Variants in REEP1 observed in about 807,000 individuals in gnomAD.
The protein encoded by REEP1 is receptor accessory protein 1.
Under a neutral mutation model 40.3 loss-of-function variants are expected in REEP1, and 22 were observed. The ratio of observed to expected loss-of-function variants is 0.55; its 90% CI spans 0.39 to 0.78. REEP1 has a LOEUF of 0.78. Among genes scored for constraint, REEP1 ranks in the 30% least tolerant of loss-of-function variants. The probability of loss-of-function intolerance (pLI) is 0.00; values close to 1 mark genes in which losing one functional copy is unlikely to be tolerated. For missense variants in REEP1, 280 were observed against 361.1 expected, an observed-to-expected ratio of 0.78 and a Z score of 1.82; for synonymous variants, 116 against 139.2, an observed-to-expected ratio of 0.83 and a Z score of 1.17.
intron 6 of REEP1, among the ~76,000 whole-genome samples, chr2:86,231,530 C>T (rs930637920): frequency 4.6e-5 from 7 of 152,224 alleles, no homozygotes; most frequent in African/African-American, 1.7e-4. Flanking sequence ...TGGGGTCTGT[C>T]AGGACATGGG....
intron 7 of REEP1, 144 bp downstream of exon 7, chr2:86,227,219 G>T: frequency 1.9e-6 from 1 of 539,864 alleles, no homozygotes; most frequent in Non-Finnish European, 2.8e-6. Context: ...TACTGTGTTT[G>T]CTGTTATAAA....
At chr2:86,261,722 G>T (rs1485694520) in intron 3 of REEP1, among the ~76,000 whole-genome samples, 1 of 152,204 alleles carries the variant, frequency 6.6e-6, no homozygotes, top group African/African-American at 2.4e-5. Context: ...CACCTGTAAA[G>T]GGTCTGTGCT....
chr2:86,293,991 A>C (rs1678854558), intron 1 of REEP1, among the ~76,000 whole-genome samples: 2 of 152,228 alleles, frequency 1.3e-5, no homozygotes, highest in Non-Finnish European at 2.9e-5. Context: ...ATGAACTATG[A>C]GTATATTATG....
At chr2:86,334,398 C>T (rs149898036) in intron 1 of REEP1, among the ~76,000 whole-genome samples, 110 of 152,160 alleles carry the variant, frequency 7.2e-4, no homozygotes, top group Non-Finnish European at 1.2e-3. Flanking sequence ...AAACGTGACT[C>T]GCGGATAAAA....
At chr2:86,222,349 A>G (rs1319631216) in intron 7 of REEP1, among the ~76,000 whole-genome samples, 4 of 152,228 alleles carry the variant, frequency 2.6e-5, no homozygotes, top group Non-Finnish European at 5.9e-5. Flanking sequence ...GGCTGGGAGC[A>G]AAAGAGGCCA....
chr2:86,266,667 AT>A lies in REEP1; in HGVS notation c.106-2627del, dbSNP rs1481489903. Among the ~76,000 whole-genome samples, 1,493 of 150,842 alleles carry A rather than the reference AT, an allele frequency of 9.9e-3. 16 individuals carry two copies. The highest frequency in any genetic ancestry group is 0.033 in the African/African-American group (1,350 of 41,420). ...AATAAAAATAAAAAAAATAAAATAA[AT>A]AAATAAATAAATAAAGATATACTAC... On this transcript the variant is annotated intron_variant, in intron 2 of 8. Transcript: ENST00000538924.
rs1280696372 is a variant in REEP1 at position 86,337,589 on chromosome 2, C to T, written c.-79G>A. On this transcript the variant is annotated 5_prime_UTR_variant, in exon 1 of 9. Transcript: ENST00000538924. This position sits in a 1 kb window ranked among gnomAD's most constrained non-coding sequence, Gnocchi z 5.8. ...GCGGCGCGGGCTGCTGCGGCGTTCC[C>T]GGAACGTCAGTCAGCTCACGGCAGC... 6.8e-6 allele frequency: 8 copies of T among 1,170,636 alleles called. No homozygotes were observed. Among genetic ancestry groups the T allele is most frequent in the African/African-American group, 1.6e-5 (1 of 61,416 alleles). The allele number at this position is 1,170,636 out of a possible 1,614,324, so 72.5% of individuals were successfully genotyped here. A position where few individuals can be genotyped will look rare whatever the true frequency, so the allele number is the denominator to read the frequency against.
At chr2:86,316,163 T>A (rs1016242530) in intron 1 of REEP1, among the ~76,000 whole-genome samples, 1 of 152,154 alleles carries the variant, frequency 6.6e-6, no homozygotes, top group African/African-American at 2.4e-5. Context: ...TCTAGACTTT[T>A]AAGATGTGTG....
intron 2 of REEP1, among the ~76,000 whole-genome samples, chr2:86,278,183 A>T (rs2104378945): frequency 6.6e-6 from 1 of 152,358 alleles, no homozygotes; most frequent in East Asian, 1.9e-4. Context: ...AAATACAGCT[A>T]TGAACTCATG....
intron 2 of REEP1, 148 bp downstream of exon 2, chr2:86,282,022 C>T (rs952002172): frequency 2.0e-5 from 14 of 712,638 alleles, no homozygotes; most frequent in South Asian, 1.9e-4. Flanking sequence ...GAAAAGAGGA[C>T]TCCTGAGATG....
At chr2:86,256,610 A>G (rs1676576385) in intron 3 of REEP1, among the ~76,000 whole-genome samples, 1 of 152,088 alleles carries the variant, frequency 6.6e-6, no homozygotes, top group African/African-American at 2.4e-5. Context: ...AATGTGGAAC[A>G]TGTTAAAGGC....
rs1673980520 is a variant in REEP1 at position 86,214,113 on chromosome 2, A to G, written c.*2926T>C. The G allele has an allele frequency of 6.0e-6, 1 of 166,800 alleles. No individual in the cohort carries two copies. The highest frequency in any genetic ancestry group is 6.1e-5 in the Admixed American group (1 of 16,338). 10.3% of individuals were successfully genotyped at this position (166,800 alleles called of 1,614,324 possible). On this transcript the variant is annotated 3_prime_UTR_variant, in exon 9 of 9. Coordinates refer to ENST00000538924, the MANE Select transcript of REEP1 (RefSeq NM_001371279.1). ...ACATCCCTTTGATGCACAGTCCAGT[A>G]TACTATTTTATTACAGATCATTCTA... is the stretch of plus-strand genomic sequence containing the variant.
At chr2:86,227,895 T>C (rs1021751488) in intron 6 of REEP1, among the ~76,000 whole-genome samples, 6 of 152,214 alleles carry the variant, frequency 3.9e-5, no homozygotes, top group Non-Finnish European at 7.3e-5. Context: ...ACTAAATACA[T>C]GCTCACTGAG....
At chr2:86,330,438 T>TGC (rs1553471174) in intron 1 of REEP1, among the ~76,000 whole-genome samples, 3 of 150,698 alleles carry the variant, frequency 2.0e-5, no homozygotes, top group Non-Finnish European at 4.4e-5. Flanking sequence ...TGTGTGTGTG[T>TGC]GTGTGTGTGT....
chr2:86,244,381 ATTT>A (rs1214176972), intron 5 of REEP1, among the ~76,000 whole-genome samples: 1 of 151,512 alleles, frequency 6.6e-6, no homozygotes, highest in Non-Finnish European at 1.5e-5. Flanking sequence ...GAGTGGGAAA[ATTT>A]TTTTTAAGTA....
chr2:86,331,158 G>A lies in REEP1; in HGVS notation c.32+6321C>T, dbSNP rs565421447. Among the ~76,000 whole-genome samples the A allele has an allele frequency of 2.2e-4, 34 of 152,224 alleles. 1 individual carries two copies. On this transcript the variant is annotated intron_variant, in intron 1 of 8. Transcript: ENST00000538924. The stretch of plus-strand genomic sequence containing the variant: ...ATGGACTTTCTCCACGTATGCCAGG[G>A]GCTTTAGATGCCTCAGCCCTAACTT...
At chr2:86,239,591 A>G (rs1057437548) in intron 5 of REEP1, among the ~76,000 whole-genome samples, 1 of 152,218 alleles carries the variant, frequency 6.6e-6, no homozygotes. Flanking sequence ...GAGCCTCCAC[A>G]GCCATACATG....
chr2:86,288,621 G>A (rs1459910866), intron 1 of REEP1, among the ~76,000 whole-genome samples: 1 of 152,098 alleles, frequency 6.6e-6, no homozygotes, highest in South Asian at 2.1e-4. Context: ...CCTTCTCTAG[G>A]GTATCTACAT....
intron 1 of REEP1, among the ~76,000 whole-genome samples, chr2:86,327,207 C>T (rs1435528403): frequency 6.6e-6 from 1 of 152,180 alleles, no homozygotes; most frequent in Non-Finnish European, 1.5e-5. Flanking sequence ...TCCACATGGG[C>T]TTATTTCCCT....
Sources: gnomAD v4.1 joint callset for allele counts (sites outside exome capture counted in the v4.1 genomes callset) on GRCh38, gnomAD v4.1.1 for gene constraint, Gnocchi (gnomAD v3.1) non-coding constraint, MANE v1.5 for transcripts, NCBI Gene and HGNC (gene_info 2026-07-23, HGNC 2026-07-21) for gene names.